The following MAP7 variants were observed in gnomAD, a reference collection of about 807,000 sequenced individuals.
MAP7 encodes the protein microtubule associated protein 7.
A neutral mutation model predicts 94.8 loss-of-function variants in MAP7; 52 were observed. The ratio of observed to expected loss-of-function variants is 0.55; its 90% CI spans 0.44 to 0.69. MAP7 has a LOEUF of 0.69. MAP7 is among the 30% of genes least tolerant of loss of function. The pLI, the probability that MAP7 is intolerant of heterozygous loss-of-function variation, is 0.00. For missense variants in MAP7, 940 were observed against 964.6 expected, an observed-to-expected ratio of 0.97 and a Z score of 0.34; for synonymous variants, 350 against 357.0, an observed-to-expected ratio of 0.98 and a Z score of 0.22.
intron 1 of MAP7, among the ~76,000 whole-genome samples, chr6:136,440,977 T>C (rs988630383): frequency 1.3e-5 from 2 of 152,190 alleles, no homozygotes; most frequent in Admixed American, 6.5e-5. Context: ...TTTCACTTAA[T>C]ATAATGTCCT....
chr6:136,410,190 GAACTCCTTCTATTCAA>G (rs1562367749), intron 3 of MAP7, among the ~76,000 whole-genome samples: 1 of 152,134 alleles, frequency 6.6e-6, no homozygotes, highest in Non-Finnish European at 1.5e-5. Flanking sequence ...CCGACCTATG[GAACTCCTTCTATTCAA>G]GCAGATATGA....
At chr6:136,477,820 T>C (rs1165162139) in intron 1 of MAP7, among the ~76,000 whole-genome samples, 4 of 152,190 alleles carry the variant, frequency 2.6e-5, no homozygotes, top group African/African-American at 7.2e-5. Flanking sequence ...TAATAGGTAT[T>C]TATAGGACAT....
At chr6:136,441,785 C>T (rs375360713) in intron 1 of MAP7, among the ~76,000 whole-genome samples, 21 of 152,062 alleles carry the variant, frequency 1.4e-4, no homozygotes, top group African/African-American at 3.4e-4. Flanking sequence ...AAGGCTGAGG[C>T]GGGAGGATTT....
chr6:136,345,834 AG>A (rs1322037951), intron 17 of MAP7, 21 bp downstream of exon 17: 1 of 1,579,710 alleles, frequency 6.3e-7, no homozygotes, highest in East Asian at 2.2e-5. Context: ...TGACTACAGA[AG>A]GGAGTTGGAG....
intron 4 of MAP7, among the ~76,000 whole-genome samples, chr6:136,389,120 T>C (rs999750811): frequency 2.0e-5 from 3 of 152,184 alleles, no homozygotes; most frequent in African/African-American, 4.8e-5. Context: ...TTCAATAAGT[T>C]ATAGGTTTGG....
intron 1 of MAP7, among the ~76,000 whole-genome samples, chr6:136,500,622 G>T (rs1447709132): frequency 2.6e-5 from 4 of 152,194 alleles, no homozygotes; most frequent in Non-Finnish European, 5.9e-5. Context: ...GTAGCAAAGT[G>T]TTGTACTTGT....
chr6:136,438,340 T>A (rs1240824286), intron 1 of MAP7, among the ~76,000 whole-genome samples: 2 of 152,178 alleles, frequency 1.3e-5, no homozygotes, highest in Non-Finnish European at 2.9e-5. Context: ...GAGGCAGAAA[T>A]TAGAAGTGGT....
intron 2 of MAP7, among the ~76,000 whole-genome samples, chr6:136,417,958 C>T (rs1271400697): frequency 6.6e-6 from 1 of 152,186 alleles, no homozygotes; most frequent in Non-Finnish European, 1.5e-5. Flanking sequence ...CTGCTTTTCT[C>T]AGGTCCATGA....
chr6:136,526,405 T>A (rs56883346), intron 1 of MAP7: 4 of 988,344 alleles, frequency 4.0e-6, no homozygotes, highest in South Asian at 4.7e-5. Flanking sequence ...AGCACCTTTT[T>A]CCAATCTTCT....
chr6:136,440,767 C>A (rs1428746101), intron 1 of MAP7, among the ~76,000 whole-genome samples: 5 of 151,408 alleles, frequency 3.3e-5, no homozygotes, highest in Non-Finnish European at 7.4e-5. Flanking sequence ...CTCTCAAATG[C>A]CGGAGAGCCC....
chr6:136,456,663 C>T lies in MAP7; in HGVS notation c.68-34864G>A, dbSNP rs1424292360. Among the ~76,000 whole-genome samples the T allele has an allele frequency of 7.3e-5, 9 of 122,990 alleles. No homozygotes were observed. The Admixed American group carries it at 7.5e-4, about 10-fold the overall frequency. The allele number at this position is 122,990 out of a possible 152,430, so 80.7% of individuals were successfully genotyped here. On this transcript the variant is annotated intron_variant, in intron 1 of 17. Transcript: ENST00000354570. The stretch of plus-strand genomic sequence containing the variant: ...TTTCGGCCTGGGCAACAGAGTGATA[C>T]CCTGTCTCAAAAAGAAGAAAGAAGA...
In MAP7 at chr6:136,550,183, C is replaced by A. The variant is rs1830037928; in HGVS notation, c.67+159G>T. On this transcript the variant is annotated intron_variant, in intron 1 of 17. Transcript: ENST00000354570. This position sits in a 1 kb window ranked among gnomAD's most constrained non-coding sequence, Gnocchi z 5.1. Reference sequence around the variant, plus strand: ...GGCGAAGGGCGGGGGAAGGCGCTCTCGGAGCAGGGTGCGCGGCGCGCAGGG... The same window carrying A: ...GGCGAAGGGCGGGGGAAGGCGCTCTAGGAGCAGGGTGCGCGGCGCGCAGGG... Among the ~76,000 whole-genome samples the A allele has an allele frequency of 6.7e-6, 1 of 149,806 alleles. No homozygotes were observed. The highest frequency in any genetic ancestry group is 2.4e-5 in the African/African-American group (1 of 40,990).
intron 1 of MAP7, among the ~76,000 whole-genome samples, chr6:136,527,949 A>G (rs1828136216): frequency 6.6e-6 from 1 of 152,232 alleles, no homozygotes; most frequent in Non-Finnish European, 1.5e-5. Flanking sequence ...TTTCAGTTTT[A>G]GAGTTTATTT....
chr6:136,502,469 A>T (rs1820074775), intron 1 of MAP7, among the ~76,000 whole-genome samples: 1 of 152,256 alleles, frequency 6.6e-6, no homozygotes, highest in African/African-American at 2.4e-5. Context: ...GGCCTGCACT[A>T]GGAGTGCCTT....
chr6:136,387,332 A>T (rs1267805065), intron 5 of MAP7, among the ~76,000 whole-genome samples: 1 of 152,206 alleles, frequency 6.6e-6, no homozygotes, highest in Non-Finnish European at 1.5e-5. Context: ...TTTAATCCTG[A>T]CATTGAAAAA....
At chr6:136,483,664 T>A (rs932304622) in intron 1 of MAP7, among the ~76,000 whole-genome samples, 1 of 151,972 alleles carries the variant, frequency 6.6e-6, no homozygotes, top group Non-Finnish European at 1.5e-5. Context: ...ATGTAAAACA[T>A]ACCAAAACAA....
intron 1 of MAP7, among the ~76,000 whole-genome samples, chr6:136,490,927 CT>C (rs1816394726): frequency 6.6e-6 from 1 of 152,208 alleles, no homozygotes; most frequent in Non-Finnish European, 1.5e-5. Context: ...CCAAAAATCC[CT>C]TTCCCTTCTC....
chr6:136,521,599 G>A (rs1826421479), intron 1 of MAP7, among the ~76,000 whole-genome samples: 1 of 152,186 alleles, frequency 6.6e-6, no homozygotes, highest in Admixed American at 6.5e-5. Context: ...TGGGTCAGGA[G>A]GCCATTACAA....
intron 1 of MAP7, among the ~76,000 whole-genome samples, chr6:136,427,373 T>A (rs901673651): frequency 1.3e-5 from 2 of 152,224 alleles, no homozygotes; most frequent in Non-Finnish European, 1.5e-5. Flanking sequence ...ATTGATGTTA[T>A]TAATCTTTTG....
Sources: allele counts gnomAD v4.1 joint callset (sites outside exome capture counted in the v4.1 genomes callset), GRCh38; gene constraint gnomAD v4.1.1; non-coding constraint Gnocchi (gnomAD v3.1); transcripts MANE v1.5; gene names NCBI Gene and HGNC (gene_info 2026-07-23, HGNC 2026-07-21).